The following SIPA1L3 variants were observed in gnomAD, a reference collection of about 807,000 sequenced individuals.
SIPA1L3 encodes the protein signal induced proliferation associated 1 like 3.
In SIPA1L3, 59 loss-of-function variants were observed where a neutral mutation model predicts 150.1. The observed-to-expected ratio is 0.39, with a 90% CI of 0.32 to 0.49. The LOEUF (loss-of-function observed/expected upper bound fraction) is 0.49, where lower values mean the gene tolerates loss of function less well. Among genes scored for constraint, SIPA1L3 ranks in the 20% least tolerant of loss-of-function variants. The probability of loss-of-function intolerance (pLI) is 0.86; values close to 1 mark genes in which losing one functional copy is unlikely to be tolerated. For synonymous variants in SIPA1L3, 1,070 were observed against 1,077.6 expected (o/e 0.99, Z 0.14); for missense variants, 2,211 against 2,489.5 (o/e 0.89, Z 2.38).
chr19:37,925,242 G>A (rs962460711), intron 1 of SIPA1L3, among the ~76,000 whole-genome samples: 2 of 152,308 alleles, frequency 1.3e-5, no homozygotes, highest in Non-Finnish European at 2.9e-5. Flanking sequence ...CGTCTTGTGG[G>A]ACCACCCTTG....
chr19:38,138,136 A>AT (rs1451756014), intron 10 of SIPA1L3, among the ~76,000 whole-genome samples: 1 of 149,940 alleles, frequency 6.7e-6, no homozygotes, highest in Non-Finnish European at 1.5e-5. Flanking sequence ...GTCTCAAATA[A>AT]AAAAAAAAAA....
At chr19:37,955,118 A>C (rs948500903) in intron 1 of SIPA1L3, among the ~76,000 whole-genome samples, 1 of 147,754 alleles carries the variant, frequency 6.8e-6, no homozygotes, top group Admixed American at 6.8e-5. Context: ...AAGGCCAGGC[A>C]TGGTGGCTCA....
intron 4 of SIPA1L3, among the ~76,000 whole-genome samples, chr19:38,097,548 C>T (rs1418795112): frequency 6.6e-6 from 1 of 152,134 alleles, no homozygotes; most frequent in African/African-American, 2.4e-5. Flanking sequence ...TTTGGCCTCA[C>T]ATCTATGTGT....
intron 1 of SIPA1L3, among the ~76,000 whole-genome samples, chr19:37,956,482 G>GTTTTTTTTTTTTTTTTTTTTTTT (rs34804753): frequency 7.9e-6 from 1 of 126,882 alleles, no homozygotes. Flanking sequence ...AAGTATAAAA[G>GTTTTTTTTTTTTTTTTTTTTTTT]TTTTGTTTTT....
In SIPA1L3 at chr19:38,192,328, C is replaced by A. The variant is rs751650926; in HGVS notation, c.4596+18C>A. ...ACACGGGAGTACGTAGGGCCCTGTC[C>A]CCCGCTCCCGACCCCCAGCTCCCAA... On this transcript the variant is annotated intron_variant, in intron 17 of 21. Transcript: ENST00000222345. The A allele has an allele frequency of 2.5e-6, 4 of 1,569,390 alleles. No individual in the cohort carries two copies. In the South Asian group the frequency reaches 4.7e-5, roughly 19 times the overall value.
At chr19:38,183,903 G>A (rs1023924164) in intron 16 of SIPA1L3, among the ~76,000 whole-genome samples, 2 of 152,148 alleles carry the variant, frequency 1.3e-5, no homozygotes, top group Non-Finnish European at 2.9e-5. Flanking sequence ...GACTATATAG[G>A]GTTAATCCTC....
chr19:37,960,867 A>AT lies in SIPA1L3; in HGVS notation c.-379+53509_-379+53510insT, dbSNP rs1170870367. 4.1e-3 allele frequency among the ~76,000 whole-genome samples: 626 copies of AT among 151,522 alleles called. 6 individuals carry two copies. The highest frequency in any genetic ancestry group is 0.014 in the African/African-American group (585 of 41,388). ...CTGCACCCAGCCAATTTTAAAAAAA[A>AT]ATATATTTTTTTTTGTTTTGAGACA... On this transcript the variant is annotated intron_variant, in intron 1 of 21. Coordinates refer to ENST00000222345, the MANE Select transcript of SIPA1L3 (RefSeq NM_015073.3).
intron 11 of SIPA1L3, 106 bp from the exon 12 acceptor site, chr19:38,142,455 TTCGGTTGGTCTG>T (rs1971609596): frequency 8.4e-7 from 1 of 1,184,550 alleles, no homozygotes; most frequent in African/African-American, 1.5e-5. Flanking sequence ...CGGGGGAAAG[TTCGGTTGGTCTG>T]TCTGTCTGTC....
intron 19 of SIPA1L3, chr19:38,200,272 C>G (rs139552112): frequency 6.6e-6 from 1 of 152,094 alleles, no homozygotes; most frequent in African/African-American, 2.4e-5. Flanking sequence ...CCAAGCTCCT[C>G]GGGAGGCTGA....
At chr19:38,091,070 T>C (rs368214596) in intron 4 of SIPA1L3, among the ~76,000 whole-genome samples, 6 of 152,170 alleles carry the variant, frequency 3.9e-5, no homozygotes, top group African/African-American at 1.4e-4. Context: ...TGCTGGGTGG[T>C]GAAATGACGC....
At chr19:38,040,442 A>T (rs1968890836) in intron 2 of SIPA1L3, among the ~76,000 whole-genome samples, 1 of 152,080 alleles carries the variant, frequency 6.6e-6, no homozygotes, top group Non-Finnish European at 1.5e-5. Flanking sequence ...TAAAAAACCA[A>T]CTCAGATGTT....
chr19:38,107,279 G>A (rs1468603706), intron 7 of SIPA1L3, among the ~76,000 whole-genome samples: 2 of 152,214 alleles, frequency 1.3e-5, no homozygotes, highest in African/African-American at 4.8e-5. Flanking sequence ...CTTGGGGCCT[G>A]GGGTAGGGGT....
chr19:37,953,399 A>C (rs2046781760), intron 1 of SIPA1L3, among the ~76,000 whole-genome samples: 1 of 152,158 alleles, frequency 6.6e-6, no homozygotes, highest in South Asian at 2.1e-4. Flanking sequence ...GTAACTTTGG[A>C]AAGAGCTGGA....
chr19:37,962,146 CT>C (rs369762947), intron 1 of SIPA1L3, among the ~76,000 whole-genome samples: 216 of 142,176 alleles, frequency 1.5e-3, no homozygotes, highest in Middle Eastern at 7.1e-3. Context: ...TTCTTTCATT[CT>C]TTTTTTTTTT....
At chr19:38,090,042 C>T (rs1015241023) in intron 4 of SIPA1L3, among the ~76,000 whole-genome samples, 7 of 152,080 alleles carry the variant, frequency 4.6e-5, no homozygotes, top group African/African-American at 1.7e-4. Flanking sequence ...CCAAAAGGCT[C>T]AGACTGGCCA....
intron 15 of SIPA1L3, among the ~76,000 whole-genome samples, chr19:38,173,459 G>C (rs1007874451): frequency 2.6e-5 from 4 of 152,286 alleles, no homozygotes; most frequent in Non-Finnish European, 4.4e-5. Flanking sequence ...GCAGCCACCT[G>C]GCCCTCGCCC....
At chr19:37,989,181 G>A (rs114456811) in intron 1 of SIPA1L3, among the ~76,000 whole-genome samples, 45 of 152,194 alleles carry the variant, frequency 3.0e-4, no homozygotes, top group African/African-American at 9.1e-4. Flanking sequence ...ATCCTCCCAC[G>A]GAACCTTCCT....
chr19:37,922,257 T>C (rs531259085), intron 1 of SIPA1L3, among the ~76,000 whole-genome samples: 1 of 151,992 alleles, frequency 6.6e-6, no homozygotes, highest in South Asian at 2.1e-4. Context: ...AGCTAATTTT[T>C]GTGTTTTTTT....
At chr19:38,198,795 G>A (rs542587018) in intron 19 of SIPA1L3, among the ~76,000 whole-genome samples, 1 of 152,300 alleles carries the variant, frequency 6.6e-6, no homozygotes, top group African/African-American at 2.4e-5. Flanking sequence ...AACACCACGT[G>A]TAAAACACGT....
Sources: gnomAD v4.1 joint callset for allele counts (sites outside exome capture counted in the v4.1 genomes callset) on GRCh38, gnomAD v4.1.1 for gene constraint, MANE v1.5 for transcripts, NCBI Gene and HGNC (gene_info 2026-07-23, HGNC 2026-07-21) for gene names.